The following TUSC3 variants were observed in gnomAD, a reference collection of about 807,000 sequenced individuals.
TUSC3 encodes dolichyl-diphosphooligosaccharide--protein glycosyltransferase subunit TUSC3.
Under a neutral mutation model 44.8 loss-of-function variants are expected in TUSC3, and 45 were observed. The ratio of observed to expected loss-of-function variants is 1.00; its 90% confidence interval spans 0.79 to 1.29. The LOEUF (loss-of-function observed/expected upper bound fraction) is 1.29, where lower values mean the gene tolerates loss of function less well. Ranked by LOEUF, TUSC3 falls within the 50% of genes most tolerant of loss-of-function variation. The pLI is 0.00. For synonymous variants in TUSC3, 212 were observed against 152.9 expected (o/e 1.39, Z -2.85); for missense variants, 519 against 437.9 (o/e 1.19, Z -1.65).
At chr8:15,469,065 G>A (rs1800451225) in intron 1 of TUSC3, among the ~76,000 whole-genome samples, 1 of 152,052 alleles carries the variant, frequency 6.6e-6, no homozygotes, top group South Asian at 2.1e-4. Context: ...AAACGAGAAG[G>A]CTGGTAATAA....
intron 1 of TUSC3, among the ~76,000 whole-genome samples, chr8:15,439,852 A>G (rs1248214764): frequency 6.6e-6 from 1 of 152,190 alleles, no homozygotes; most frequent in African/African-American, 2.4e-5. Flanking sequence ...AAGTACATTC[A>G]GTCTCTTGGT....
At chr8:15,454,721 C>G (rs183168758) in intron 1 of TUSC3, among the ~76,000 whole-genome samples, 9 of 152,042 alleles carry the variant, frequency 5.9e-5, no homozygotes, top group Non-Finnish European at 1.3e-4. Context: ...TAATCAGGAC[C>G]TAATAAACTG....
intron 6 of TUSC3, among the ~76,000 whole-genome samples, chr8:15,684,718 C>G (rs1296341090): frequency 6.6e-6 from 1 of 152,170 alleles, no homozygotes; most frequent in Non-Finnish European, 1.5e-5. Context: ...CCCACTCAAG[C>G]TAAGGCCACA....
upstream of TUSC3, among the ~76,000 whole-genome samples, chr8:15,539,370 T>TTTTG (rs869111495): frequency 7.4e-6 from 1 of 135,090 alleles, no homozygotes; most frequent in Non-Finnish European, 1.5e-5. Context: ...TTTTTTTTTT[T>TTTTG]GAGACAGAGT....
At chr8:15,564,735 A>G (rs1432310280) in intron 1 of TUSC3, among the ~76,000 whole-genome samples, 2 of 152,000 alleles carry the variant, frequency 1.3e-5, no homozygotes, top group African/African-American at 2.4e-5. Context: ...ATGGAGTGTA[A>G]ACAGAGGTGA....
chr8:15,680,481 C>A (rs376865878), intron 6 of TUSC3, among the ~76,000 whole-genome samples: 4 of 151,966 alleles, frequency 2.6e-5, no homozygotes, highest in African/African-American at 9.6e-5. Context: ...GTTTATAAAG[C>A]CTTTTGGTAG....
chr8:15,733,637 T>C (rs1182858011), intron 7 of TUSC3: 2 of 162,494 alleles, frequency 1.2e-5, no homozygotes, highest in Non-Finnish European at 2.7e-5. Flanking sequence ...AAAGTCTGTA[T>C]TCTCTTTATG....
chr8:15,748,792 T>A (rs1365745746), intron 9 of TUSC3: 1 of 521,060 alleles, frequency 1.9e-6, no homozygotes, highest in Non-Finnish European at 3.8e-6. Flanking sequence ...TTTGCAAGAT[T>A]GTTTTCTCAT....
At chr8:15,674,421 T>TA (rs1808091395) in intron 6 of TUSC3, among the ~76,000 whole-genome samples, 1 of 152,056 alleles carries the variant, frequency 6.6e-6, no homozygotes, top group African/African-American at 2.4e-5. Context: ...CATAGAAACA[T>TA]ACTGTCTTTG....
intron 2 of TUSC3, among the ~76,000 whole-genome samples, chr8:15,639,678 G>T (rs1424887625): frequency 1.3e-5 from 2 of 151,388 alleles, no homozygotes; most frequent in Non-Finnish European, 2.9e-5. Context: ...TGGTTTCAAT[G>T]ATTTTAGTTT....
chr8:15,573,025 A>G (rs1802936427), intron 1 of TUSC3, among the ~76,000 whole-genome samples: 1 of 151,916 alleles, frequency 6.6e-6, no homozygotes, highest in Non-Finnish European at 1.5e-5. Flanking sequence ...GGGAAAAATG[A>G]CACCCATAGA....
At chr8:15,425,471 T>A (rs1276999324) in intron 1 of TUSC3, among the ~76,000 whole-genome samples, 1 of 152,226 alleles carries the variant, frequency 6.6e-6, no homozygotes, top group Non-Finnish European at 1.5e-5. Context: ...GAAAGATTTC[T>A]TTATTGGGGT....
chr8:15,556,666 T>C (rs1477388288), intron 1 of TUSC3, among the ~76,000 whole-genome samples: 9 of 146,770 alleles, frequency 6.1e-5, no homozygotes, highest in Non-Finnish European at 1.4e-4. Context: ...CCAGCACCTG[T>C]TGTTTCCTGA....
chr8:15,826,310 A>G, the TUSC3 span, among the ~76,000 whole-genome samples: 1 of 152,198 alleles, frequency 6.6e-6, no homozygotes, highest in African/African-American at 2.4e-5. Context: ...CACCTCAACT[A>G]TAATCATCCT....
At chr8:15,703,025 G>A (rs1336705317) in intron 6 of TUSC3, among the ~76,000 whole-genome samples, 2 of 152,096 alleles carry the variant, frequency 1.3e-5, no homozygotes, top group Non-Finnish European at 2.9e-5. Flanking sequence ...TAGTAGTGAG[G>A]CTATCTTCTT....
At chr8:15,613,975 T>C (rs1279780605) in intron 1 of TUSC3, among the ~76,000 whole-genome samples, 4 of 151,654 alleles carry the variant, frequency 2.6e-5, no homozygotes. Context: ...CTCCCATGTG[T>C]ACAGGAAGTA....
At chr8:15,806,627 G>A in the TUSC3 span, 4 of 1,396,588 alleles carry the variant, frequency 2.9e-6, no homozygotes, top group Non-Finnish European at 4.1e-6. Context: ...AGATCTTTCA[G>A]TGTCATGGAC....
At chr8:15,571,617 G>A (rs4831747) in intron 1 of TUSC3, among the ~76,000 whole-genome samples, 30,883 of 152,064 alleles carry the variant, frequency 0.2, 3,407 homozygotes, top group East Asian at 0.34. Flanking sequence ...GGTGGGAGCA[G>A]CTGGCAACTT....
rs768804841 is a variant in TUSC3, at chr8:15,743,617, G to A, written c.937+5G>A. On this transcript the variant is annotated splice_donor_5th_base_variant and intron_variant, in intron 8 of 10. Coordinates refer to ENST00000503731, the MANE Select transcript of TUSC3 (RefSeq NM_006765.4). Reference sequence around the variant, plus strand: ...GCGATGTTGGAAAAAGACGGAGTAAGTCTCTGTGTTGCCATTTTTGTAATT... The same window carrying A: ...GCGATGTTGGAAAAAGACGGAGTAAATCTCTGTGTTGCCATTTTTGTAATT... 1 of 1,613,904 alleles carries A rather than the reference G, an allele frequency of 6.2e-7. No homozygotes were observed.
Sources: gnomAD v4.1 joint callset for allele counts (sites outside exome capture counted in the v4.1 genomes callset) on GRCh38, gnomAD v4.1.1 for gene constraint, MANE v1.5 for transcripts, NCBI Gene and HGNC (gene_info 2026-07-23, HGNC 2026-07-21) for gene names.